Variants in CTDSP2 observed in about 807,000 individuals in gnomAD.
CTDSP2 encodes the protein carboxy-terminal domain RNA polymerase II polypeptide A small phosphatase 2.
A neutral mutation model predicts 31.6 loss-of-function variants in CTDSP2; 9 were observed. The ratio of observed to expected loss-of-function variants is 0.28; its 90% CI spans 0.17 to 0.50. The LOEUF is 0.50. Among genes scored for constraint, CTDSP2 ranks in the 20% least tolerant of loss-of-function variants. The probability of loss-of-function intolerance (pLI) is 0.98; values close to 1 mark genes in which losing one functional copy is unlikely to be tolerated. For synonymous variants in CTDSP2, 134 were observed against 134.5 expected (o/e 1.00, Z 0.03); for missense variants, 267 against 348.5 (o/e 0.77, Z 1.86).
At chr12:57,831,343 C>A (rs1956214614) in intron 1 of CTDSP2, among the ~76,000 whole-genome samples, 1 of 151,958 alleles carries the variant, frequency 6.6e-6, no homozygotes, top group Non-Finnish European at 1.5e-5. Flanking sequence ...ATCCCAGCCA[C>A]TTGGGAGGCT....
intron 5 of CTDSP2, chr12:57,824,787 C>G (rs965383508): frequency 9.6e-5 from 43 of 449,490 alleles, no homozygotes; most frequent in Non-Finnish European, 1.8e-4. Flanking sequence ...ACTTTTTCCC[C>G]TCAATGACCA....
chr12:57,824,318 A>C lies in CTDSP2; in HGVS notation c.413T>G (p.Val138Gly), dbSNP rs764200649. The C allele has an allele frequency of 6.2e-7, 1 of 1,612,576 alleles. No homozygotes were observed. Residue 138 changes from valine (V) to glycine (G), a missense_variant and splice_region_variant, in exon 6 of 8, where the codon GTG becomes GGG. By Grantham distance (109) the Val-to-Gly change is moderately radical. Transcript: ENST00000398073. Reference sequence around the variant, plus strand: ...CACATAAGGCCTCTTGAGCACATACACCTGAGGAAGAGCAGAGCAGCCTGT... The same window carrying C: ...CACATAAGGCCTCTTGAGCACATACCCCTGAGGAAGAGCAGAGCAGCCTGT... ...PIEIEGTTHQ[V>G]YVLKRPYVDE...
At chr12:57,825,792 T>G (rs1354998431) in intron 5 of CTDSP2, among the ~76,000 whole-genome samples, 1 of 152,104 alleles carries the variant, frequency 6.6e-6, no homozygotes, top group Non-Finnish European at 1.5e-5. Flanking sequence ...GGGAAGGCAG[T>G]CAGAGAAGGC....
intron 1 of CTDSP2, among the ~76,000 whole-genome samples, chr12:57,840,340 G>T (rs1956275108): frequency 6.6e-6 from 1 of 152,210 alleles, no homozygotes; most frequent in African/African-American, 2.4e-5. Flanking sequence ...AGGCAATTCA[G>T]CCAAAGTCCC....
intron 1 of CTDSP2, among the ~76,000 whole-genome samples, chr12:57,845,809 G>C (rs1013063282): frequency 6.6e-6 from 1 of 152,064 alleles, no homozygotes; most frequent in Non-Finnish European, 1.5e-5. Context: ...CCAGGGCCCG[G>C]GCCCCTCCCC....
chr12:57,843,499 C>T (rs1016424882), intron 1 of CTDSP2, among the ~76,000 whole-genome samples: 1 of 151,532 alleles, frequency 6.6e-6, no homozygotes, highest in South Asian at 2.1e-4. Context: ...CGCACCCAGA[C>T]AGCCTTAAAC....
At chr12:57,834,972 A>G (rs1424362436) in intron 1 of CTDSP2, among the ~76,000 whole-genome samples, 1 of 152,140 alleles carries the variant, frequency 6.6e-6, no homozygotes, top group Admixed American at 6.5e-5. Flanking sequence ...AAAATACAAA[A>G]TTAGCCAGGT....
rs745742336 is a variant in CTDSP2 at position 57,823,613 on chromosome 12, G to A, written c.805C>T (p.Arg269Trp). Reference protein sequence around the residue: ...EDVYTSLGQLRAP With the variant: ...EDVYTSLGQLWAP ...GGAAGCAGGGCAGGCTAAGGGGCCC[G>A]CAGCTGCCCAAGGCTGGTGTAGACG... Residue 269 changes from arginine (R) to tryptophan (W), a missense_variant, in exon 8 of 8, where the codon CGG becomes TGG. Physicochemically the swap from Arg to Trp is moderately radical, Grantham distance 101. Coordinates refer to ENST00000398073, the MANE Select transcript of CTDSP2 (RefSeq NM_005730.4). 2.5e-6 allele frequency: 4 copies of A among 1,613,890 alleles called. No homozygotes were observed. The highest frequency in any genetic ancestry group is 2.2e-5 in the East Asian group (1 of 44,876).
At chr12:57,845,270 A>C (rs1956307596) in intron 1 of CTDSP2, among the ~76,000 whole-genome samples, 1 of 152,122 alleles carries the variant, frequency 6.6e-6, no homozygotes, top group African/African-American at 2.4e-5. Flanking sequence ...ACTCGTCCTT[A>C]CACCCCGCGG....
intron 1 of CTDSP2, 149 bp downstream of exon 1, chr12:57,846,223 G>T: frequency 1.5e-6 from 1 of 673,294 alleles, no homozygotes; most frequent in Non-Finnish European, 2.4e-6. Context: ...GTGCCAGCCG[G>T]GATGCGGGGG....
At chr12:57,841,344 T>TC (rs1466482632) in intron 1 of CTDSP2, among the ~76,000 whole-genome samples, 2 of 152,186 alleles carry the variant, frequency 1.3e-5, no homozygotes, top group South Asian at 2.1e-4. Flanking sequence ...ATTTTCTTTT[T>TC]CCCCCTCTTA....
intron 1 of CTDSP2, among the ~76,000 whole-genome samples, chr12:57,830,456 C>A (rs1363184572): frequency 5.9e-5 from 9 of 152,154 alleles, no homozygotes; most frequent in African/African-American, 2.2e-4. Context: ...AAAACCACTT[C>A]AGGCTAGAAA....
At chr12:57,840,400 C>T (rs1425799649) in intron 1 of CTDSP2, among the ~76,000 whole-genome samples, 1 of 152,204 alleles carries the variant, frequency 6.6e-6, no homozygotes. Context: ...TTCTGCAAGC[C>T]TTAGAGGACT....
chr12:57,826,279 A>C, intron 5 of CTDSP2, 67 bp downstream of exon 5: 1 of 1,425,076 alleles, frequency 7.0e-7, no homozygotes. Flanking sequence ...GGAGGACCCC[A>C]GTACAGGTGA....
Position 57,844,849 on chromosome 12 carries a change from G to T in CTDSP2, c.64+1523C>A, listed in dbSNP as rs1956304347. ...GGCAAGGCCATCCCTTCTCAGGGCA[G>T]GCTTATTTAAAGTCCGGCCAGTGAT... On this transcript the variant is annotated intron_variant, in intron 1 of 7. Coordinates refer to ENST00000398073, the MANE Select transcript of CTDSP2 (RefSeq NM_005730.4). Among the ~76,000 whole-genome samples the T allele has an allele frequency of 2.0e-5, 3 of 152,038 alleles. No homozygotes were observed. The South Asian group carries it at 6.3e-4, about 32-fold the overall frequency.
Position 57,826,369 on chromosome 12 carries a change from C to T in CTDSP2, c.388G>A (p.Glu130Lys), listed in dbSNP as rs1595187716. ...INNADFIVPI[E>K]IEGTTHQVYV... is the part of the protein sequence containing the mutation. ...ACCTGGTGAGTGGTCCCCTCAATCT[C>T]TATAGGCACTATGAAGTCAGCATTG... Residue 130 changes from glutamate (E) to lysine (K), a missense_variant, in exon 5 of 8, where the codon GAG (glutamate) becomes AAG (lysine). Glu to Lys is a moderately conservative substitution (Grantham distance 56, BLOSUM62 1). This residue lies in a region of CTDSP2 where 156 missense variants were observed against 241.3 expected (regional missense o/e 0.65). Transcript: ENST00000398073. 6.2e-7 allele frequency: 1 copy of T among 1,614,116 alleles called. No individual in the cohort carries two copies. Among genetic ancestry groups the T allele is most frequent in the Non-Finnish European group, 8.5e-7 (1 of 1,180,030 alleles).
rs186133420 is a variant in CTDSP2 at position 57,830,157 on chromosome 12, G to A, written c.65-561C>T. Among the ~76,000 whole-genome samples, 354 of 152,278 alleles carry A rather than the reference G, an allele frequency of 2.3e-3. 3 individuals carry two copies. The highest frequency in any genetic ancestry group is 5.2e-3 in the Admixed American group (79 of 15,298). On this transcript the variant is annotated intron_variant, in intron 1 of 7. Coordinates refer to ENST00000398073, the MANE Select transcript of CTDSP2 (RefSeq NM_005730.4). ...TTCCAGCACTTTGGGAGGCCAAAGC[G>A]GGTGGAGCACGAGGTCAGAAGATTG...
At position 57,846,577 on chromosome 12, in the gene CTDSP2, T is replaced by G; in HGVS notation, c.-142A>C. 9.2e-6 allele frequency: 6 copies of G among 652,532 alleles called. No homozygotes were observed. Among genetic ancestry groups the G allele is most frequent in the Non-Finnish European group, 7.1e-6 (3 of 422,100 alleles). 40.4% of individuals were successfully genotyped at this position (652,532 alleles called of 1,614,324 possible). A position where few individuals can be genotyped will look rare whatever the true frequency, so the allele number is the denominator to read the frequency against. Reference sequence around the variant, plus strand: ...CAGCTGTTCACATCCCCCCTCTCGTTTCCTCCCCGGACCGGGAAGGGAGGC... The same window carrying G: ...CAGCTGTTCACATCCCCCCTCTCGTGTCCTCCCCGGACCGGGAAGGGAGGC... On this transcript the variant is annotated 5_prime_UTR_variant, in exon 1 of 8. Transcript: ENST00000398073.
In CTDSP2 at chr12:57,829,506, T is replaced by A. The variant is rs373703024; in HGVS notation, c.155A>T (p.Gln52Leu). Residue 52 changes from glutamine to leucine, a missense_variant, in exon 2 of 8, where the codon CAG (glutamine) becomes CTG (leucine). Transcript: ENST00000398073. ...AGCGAGCTCAGTGGAGGAACTTGAC[T>A]GGCCAACATGCTGGGCGCGAAAACA... is the stretch of plus-strand genomic sequence containing the variant. ...FCCFRAQHVG[Q>L]SSSSTELAAY... is the part of the protein sequence containing the mutation. 9 of 1,614,200 alleles carry A rather than the reference T, an allele frequency of 5.6e-6. No individual in the cohort carries two copies. The Admixed American group carries it at 1.5e-4, about 27-fold the overall frequency.
Sources: gnomAD v4.1 joint callset for allele counts (sites outside exome capture counted in the v4.1 genomes callset) on GRCh38, gnomAD v4.1.1 for gene constraint, gnomAD v4.1.1 regional missense constraint, MANE v1.5 for transcripts, NCBI Gene and HGNC (gene_info 2026-07-23, HGNC 2026-07-21) for gene names.